Variants in CPQ observed in about 807,000 individuals in gnomAD.
CPQ encodes carboxypeptidase Q.
In CPQ, 37 loss-of-function variants were observed where a neutral mutation model predicts 45.7. The ratio of observed to expected loss-of-function variants is 0.81; its 90% CI spans 0.62 to 1.07. The LOEUF (loss-of-function observed/expected upper bound fraction) is 1.07, where lower values mean the gene tolerates loss of function less well. Ranked by LOEUF, CPQ falls within the 50% of genes least tolerant of loss-of-function variation. CPQ has a pLI of 0.00. For missense variants in CPQ, 537 were observed against 572.9 expected, an observed-to-expected ratio of 0.94 and a Z score of 0.64; for synonymous variants, 186 against 205.8, an observed-to-expected ratio of 0.90 and a Z score of 0.82.
intron 5 of CPQ, among the ~76,000 whole-genome samples, chr8:97,022,821 A>C (rs1809712109): frequency 6.6e-6 from 1 of 151,844 alleles, no homozygotes; most frequent in Non-Finnish European, 1.5e-5. Context: ...AACAGTGGGG[A>C]GATTCCTTAA....
intron 7 of CPQ, among the ~76,000 whole-genome samples, chr8:97,089,357 C>A (rs1811094685): frequency 1.3e-5 from 2 of 152,080 alleles, no homozygotes; most frequent in Admixed American, 1.3e-4. Flanking sequence ...ATTTACCTTA[C>A]AATGTGTTTG....
intron 1 of CPQ, among the ~76,000 whole-genome samples, chr8:96,646,121 T>C (rs1283748859): frequency 6.6e-6 from 1 of 151,520 alleles, no homozygotes; most frequent in African/African-American, 2.4e-5. Flanking sequence ...TCCTGTTTTT[T>C]GATAGCTTTC....
intron 1 of CPQ, among the ~76,000 whole-genome samples, chr8:96,670,005 G>A (rs549618513): frequency 1.5e-3 from 235 of 152,052 alleles, no homozygotes; most frequent in Non-Finnish European, 2.2e-3. Context: ...ATATATTATC[G>A]ATTCATTAAC....
chr8:97,040,144 G>A (rs1011962869), intron 6 of CPQ, among the ~76,000 whole-genome samples: 3 of 149,192 alleles, frequency 2.0e-5, no homozygotes, highest in Non-Finnish European at 4.5e-5. Flanking sequence ...TCCAGCACCT[G>A]TTGTTTCCTG....
chr8:96,973,660 A>C (rs1199056696), intron 5 of CPQ, among the ~76,000 whole-genome samples: 6 of 152,140 alleles, frequency 3.9e-5, no homozygotes, highest in Admixed American at 3.9e-4. Context: ...CCATCAGATT[A>C]ACAGCAGATT....
intron 5 of CPQ, among the ~76,000 whole-genome samples, chr8:96,997,732 T>C (rs1339935228): frequency 2.0e-5 from 3 of 152,018 alleles, no homozygotes; most frequent in African/African-American, 7.2e-5. Flanking sequence ...TCACTTGACT[T>C]GAGGCTTCCC....
At chr8:97,062,870 A>C (rs910543999) in intron 6 of CPQ, among the ~76,000 whole-genome samples, 1 of 152,182 alleles carries the variant, frequency 6.6e-6, no homozygotes, top group African/African-American at 2.4e-5. Context: ...TATCCAGTCT[A>C]TCACTGATGA....
chr8:96,867,086 C>G (rs1377904937), intron 3 of CPQ, among the ~76,000 whole-genome samples: 2 of 152,098 alleles, frequency 1.3e-5, no homozygotes, highest in African/African-American at 4.8e-5. Context: ...CACCTGTTTT[C>G]TCCAAGACAT....
chr8:96,919,338 C>T lies in CPQ; in HGVS notation c.849+39333C>T, dbSNP rs115827768. Among the ~76,000 whole-genome samples the T allele has an allele frequency of 5.5e-3, 837 of 152,196 alleles. 6 individuals are homozygous for T. The highest frequency in any genetic ancestry group is 0.018 in the African/African-American group (733 of 41,526). Reference sequence around the variant, plus strand: ...CACGTCATTCTGTCTGTGGCACATGCCATACTCTTGTCATTTTCCCCACTA... The same window carrying T: ...CACGTCATTCTGTCTGTGGCACATGTCATACTCTTGTCATTTTCCCCACTA... On this transcript the variant is annotated intron_variant, in intron 4 of 7. Transcript: ENST00000220763.
intron 2 of CPQ, among the ~76,000 whole-genome samples, chr8:96,786,291 G>A (rs1586400286): frequency 6.6e-6 from 1 of 152,060 alleles, no homozygotes; most frequent in African/African-American, 2.4e-5. Flanking sequence ...GATCTTTCAT[G>A]AATTCTTTTT....
chr8:96,873,139 A>G (rs139861636), intron 3 of CPQ, among the ~76,000 whole-genome samples: 27 of 152,044 alleles, frequency 1.8e-4, no homozygotes, highest in Non-Finnish European at 2.1e-4. Flanking sequence ...GCGGATGAAC[A>G]TAAGATATTA....
At chr8:96,974,722 C>A (rs1206554435) in intron 5 of CPQ, among the ~76,000 whole-genome samples, 1 of 151,990 alleles carries the variant, frequency 6.6e-6, no homozygotes, top group African/African-American at 2.4e-5. Context: ...CCCTTAAAAC[C>A]ATGTAAATAC....
intron 1 of CPQ, among the ~76,000 whole-genome samples, chr8:96,735,529 A>G (rs1309769692): frequency 1.3e-5 from 2 of 152,254 alleles, no homozygotes; most frequent in African/African-American, 2.4e-5. Context: ...AGTAATTTCT[A>G]CACTAATAGG....
chr8:96,805,927 A>G (rs1328487494), intron 2 of CPQ, among the ~76,000 whole-genome samples: 1 of 152,108 alleles, frequency 6.6e-6, no homozygotes. Context: ...ACGGGGTTGC[A>G]TATGACCTTC....
rs143357458 is a variant in CPQ at position 96,753,631 on chromosome 8, C to T, written c.-34-31233C>T. Reference sequence around the variant, plus strand: ...ATTGTTAGTATATAGAAAATTGAATCTTGAATATGTATTTTATAATTAGTG... The same window carrying T: ...ATTGTTAGTATATAGAAAATTGAATTTTGAATATGTATTTTATAATTAGTG... On this transcript the variant is annotated intron_variant, in intron 1 of 7. Transcript: ENST00000220763. Among the ~76,000 whole-genome samples the T allele has an allele frequency of 2.0e-3, 284 of 139,380 alleles. 5 individuals are homozygous for T. Among genetic ancestry groups the T allele is most frequent in the African/African-American group, 6.6e-3 (265 of 40,338 alleles). The allele number at this position is 139,380 out of a possible 152,430, so 91.4% of individuals were successfully genotyped here. A position where few individuals can be genotyped will look rare whatever the true frequency, so the allele number is the denominator to read the frequency against.
chr8:96,762,152 AG>A (rs34058928), intron 1 of CPQ, among the ~76,000 whole-genome samples: 79,628 of 152,024 alleles, frequency 0.52, 22,313 homozygotes, highest in East Asian at 0.88. Context: ...GGGAAATAAA[AG>A]TTTCATATTT....
chr8:97,128,036 G>A lies in CPQ; in HGVS notation c.1256-14984G>A, dbSNP rs187836956. Among the ~76,000 whole-genome samples the A allele has an allele frequency of 1.8e-4, 28 of 152,224 alleles. No individual in the cohort carries two copies. The East Asian group carries it at 4.8e-3, about 26-fold the overall frequency. ...AGTAGTCACACAGGTGTGTTCATTC[G>A]CCAAAACTTGTCAAATATACACTTA... is the stretch of plus-strand genomic sequence containing the variant. On this transcript the variant is annotated intron_variant, in intron 7 of 7. Coordinates refer to ENST00000220763, the MANE Select transcript of CPQ (RefSeq NM_016134.4).
chr8:96,898,819 C>T (rs1196287964), intron 4 of CPQ, among the ~76,000 whole-genome samples: 1 of 147,282 alleles, frequency 6.8e-6, no homozygotes, highest in Non-Finnish European at 1.5e-5. Context: ...GAAACTCAGG[C>T]TTCTTGTTGG....
At chr8:97,111,919 G>GGAT (rs1212762826) in intron 7 of CPQ, among the ~76,000 whole-genome samples, 6 of 152,222 alleles carry the variant, frequency 3.9e-5, no homozygotes, top group South Asian at 2.1e-4. Context: ...TCTTCCTGAA[G>GGAT]AACAGCCTGA....
Sources: allele counts gnomAD v4.1 joint callset (sites outside exome capture counted in the v4.1 genomes callset), GRCh38; gene constraint gnomAD v4.1.1; transcripts MANE v1.5; gene names NCBI Gene and HGNC (gene_info 2026-07-23, HGNC 2026-07-21).